Variants in SPTLC2 observed in about 807,000 individuals in gnomAD.
SPTLC2 encodes serine palmitoyltransferase 2.
SPTLC2 carries 21 observed loss-of-function variants against 62.0 expected under a neutral mutation model. That is an observed-to-expected ratio of 0.34 (90% CI 0.24 to 0.49). The LOEUF is 0.49. Ranked by LOEUF, SPTLC2 falls within the 20% of genes least tolerant of loss-of-function variation. The pLI, the probability that SPTLC2 is intolerant of heterozygous loss-of-function variation, is 0.99. For synonymous variants in SPTLC2, 261 were observed against 261.8 expected, an observed-to-expected ratio of 1.00 and a Z score of 0.03; for missense variants, 511 against 713.0, an observed-to-expected ratio of 0.72 and a Z score of 3.23.
At chr14:77,587,101 G>A (rs1401114877) in intron 2 of SPTLC2, among the ~76,000 whole-genome samples, 2 of 152,078 alleles carry the variant, frequency 1.3e-5, no homozygotes, top group Non-Finnish European at 2.9e-5. Flanking sequence ...GGTAGCGGGC[G>A]CCTGTAGTCC....
At chr14:77,605,253 C>A (rs556471749) in intron 1 of SPTLC2, among the ~76,000 whole-genome samples, 1 of 152,010 alleles carries the variant, frequency 6.6e-6, no homozygotes, top group African/African-American at 2.4e-5. Context: ...TCAAGGAATC[C>A]TCCCAGTTTG....
At chr14:77,577,424 T>G (rs1210664604) in intron 3 of SPTLC2, among the ~76,000 whole-genome samples, 1 of 152,130 alleles carries the variant, frequency 6.6e-6, no homozygotes, top group Non-Finnish European at 1.5e-5. Flanking sequence ...GAACATGAAG[T>G]ATCGATAAGG....
intron 1 of SPTLC2, among the ~76,000 whole-genome samples, chr14:77,613,335 G>C (rs897228266): frequency 6.6e-6 from 1 of 152,186 alleles, no homozygotes; most frequent in African/African-American, 2.4e-5. Context: ...TAATGTAAAA[G>C]TTTCCCTCGG....
intron 4 of SPTLC2, among the ~76,000 whole-genome samples, chr14:77,571,219 G>A (rs531125339): frequency 6.6e-6 from 1 of 152,206 alleles, no homozygotes; most frequent in East Asian, 1.9e-4. Context: ...AGGTAAAAAC[G>A]TTTCTTCCTG....
chr14:77,579,538 C>G (rs1246370545), intron 2 of SPTLC2, among the ~76,000 whole-genome samples: 2 of 152,116 alleles, frequency 1.3e-5, no homozygotes, highest in African/African-American at 4.8e-5. Context: ...TGCTTGAGCT[C>G]AGGAGTTCGG....
chr14:77,526,864 G>A (rs577675185), intron 9 of SPTLC2, among the ~76,000 whole-genome samples: 24 of 145,826 alleles, frequency 1.6e-4, no homozygotes, highest in African/African-American at 5.9e-4. Flanking sequence ...GCGTGCTCCT[G>A]GCTCACTGCA....
At chr14:77,534,029 A>G (rs2140003246) in intron 9 of SPTLC2, among the ~76,000 whole-genome samples, 1 of 152,002 alleles carries the variant, frequency 6.6e-6, no homozygotes, top group East Asian at 1.9e-4. Flanking sequence ...GTGGTGACGC[A>G]CGCCTGTGGT....
chr14:77,593,310 A>T (rs1185646505), intron 2 of SPTLC2, among the ~76,000 whole-genome samples: 6 of 151,998 alleles, frequency 3.9e-5, no homozygotes, highest in Non-Finnish European at 7.4e-5. Context: ...TTCTGAATTA[A>T]ATTTTTTCAT....
chr14:77,602,226 C>T (rs773711886), intron 1 of SPTLC2, among the ~76,000 whole-genome samples: 1 of 152,214 alleles, frequency 6.6e-6, no homozygotes, highest in Non-Finnish European at 1.5e-5. Flanking sequence ...CTTTCCAGAA[C>T]TCCACATTCG....
At position 77,597,508 on chromosome 14, in the gene SPTLC2, C is replaced by A; in HGVS notation, c.133-128G>T. Reference sequence around the variant, plus strand: ...TTCTAAGTTCCGCCGGGCGCACTGGCTCACACCTGTAATCCCAGCACTTTG... The same window carrying A: ...TTCTAAGTTCCGCCGGGCGCACTGGATCACACCTGTAATCCCAGCACTTTG... On this transcript the variant is annotated intron_variant, in intron 1 of 11. Transcript: ENST00000216484. 3.6e-6 allele frequency: 3 copies of A among 842,524 alleles called. No homozygotes were observed. In the South Asian group the frequency reaches 4.6e-5, roughly 13 times the overall value. 52.2% of individuals were successfully genotyped at this position (842,524 alleles called of 1,614,324 possible).
intron 6 of SPTLC2, among the ~76,000 whole-genome samples, chr14:77,560,819 A>G (rs904289856): frequency 7.9e-5 from 12 of 151,940 alleles, no homozygotes; most frequent in African/African-American, 2.9e-4. Flanking sequence ...GAGTACATAC[A>G]GACACGACTA....
chr14:77,602,827 G>C (rs2079885355), intron 1 of SPTLC2, among the ~76,000 whole-genome samples: 1 of 152,084 alleles, frequency 6.6e-6, no homozygotes, highest in Non-Finnish European at 1.5e-5. Flanking sequence ...TCCTGCCTTG[G>C]TCTCTCAAAC....
At chr14:77,596,511 A>AAATAAACC (rs765683005) in intron 2 of SPTLC2, among the ~76,000 whole-genome samples, 4 of 36,368 alleles carry the variant, frequency 1.1e-4, no homozygotes, top group African/African-American at 3.4e-4. Flanking sequence ...CTCAAAAAAT[A>AAATAAACC]AACAAACAAA....
chr14:77,523,629 C>T (rs2079395245), intron 9 of SPTLC2, among the ~76,000 whole-genome samples: 1 of 152,162 alleles, frequency 6.6e-6, no homozygotes, highest in Non-Finnish European at 1.5e-5. Context: ...TTCCTGCACT[C>T]ACATGGAGCT....
chr14:77,532,616 C>T (rs906311285), intron 9 of SPTLC2, among the ~76,000 whole-genome samples: 5 of 151,914 alleles, frequency 3.3e-5, no homozygotes, highest in African/African-American at 1.2e-4. Flanking sequence ...AAGCCCATCT[C>T]TGCTAAAAAT....
At chr14:77,605,979 A>C (rs1260688134) in intron 1 of SPTLC2, among the ~76,000 whole-genome samples, 1 of 152,232 alleles carries the variant, frequency 6.6e-6, no homozygotes, top group Non-Finnish European at 1.5e-5. Context: ...TAAGACTGCA[A>C]AATGCAAACA....
At chr14:77,610,933 G>A (rs2079932502) in intron 1 of SPTLC2, among the ~76,000 whole-genome samples, 1 of 123,552 alleles carries the variant, frequency 8.1e-6, no homozygotes, top group East Asian at 2.4e-4. Flanking sequence ...ATTTATTTTT[G>A]TTTGTTTGTT....
At position 77,545,568 on chromosome 14, in the gene SPTLC2, C is replaced by T. The variant is rs17105952; in HGVS notation, c.1303+6528G>A. ...ACAGGCGTGAGCCATCGTGCCCGGC[C>T]GGGTATCAGGTTCTTACTTTGAGCA... On this transcript the variant is annotated intron_variant, in intron 9 of 11. Transcript: ENST00000216484. 9.8e-3 allele frequency among the ~76,000 whole-genome samples: 1,486 copies of T among 152,240 alleles called. 32 individuals are homozygous for T. Among genetic ancestry groups the T allele is most frequent in the African/African-American group, 0.034 (1,401 of 41,530 alleles).
At chr14:77,575,270 G>A (rs909642232) in intron 4 of SPTLC2, among the ~76,000 whole-genome samples, 1 of 152,240 alleles carries the variant, frequency 6.6e-6, no homozygotes, top group African/African-American at 2.4e-5. Context: ...TAAATAAATA[G>A]ATATAAAAAT....
Sources: allele counts gnomAD v4.1 joint callset (sites outside exome capture counted in the v4.1 genomes callset), GRCh38; gene constraint gnomAD v4.1.1; transcripts MANE v1.5; gene names NCBI Gene and HGNC (gene_info 2026-07-23, HGNC 2026-07-21).